Variants in IRAK2 observed in about 807,000 individuals in gnomAD.
IRAK2 encodes interleukin 1 receptor associated kinase 2, also known as interleukin-1 receptor-associated kinase-like 2.
IRAK2 carries 57 observed loss-of-function variants against 72.0 expected under a neutral mutation model. That is an observed-to-expected ratio of 0.79 (90% CI 0.64 to 0.99). IRAK2 has a LOEUF of 0.99. Among genes scored for constraint, IRAK2 ranks in the 50% least tolerant of loss-of-function variants. The pLI is 0.00. For synonymous variants in IRAK2, 293 were observed against 312.7 expected (o/e 0.94, Z 0.67); for missense variants, 790 against 794.4 (o/e 0.99, Z 0.07).
chr3:10,170,725 C>T (rs552943158), intron 1 of IRAK2, among the ~76,000 whole-genome samples: 1 of 152,326 alleles, frequency 6.6e-6, no homozygotes, highest in South Asian at 2.1e-4. Flanking sequence ...GATGAGCTGC[C>T]AGGCCTTGGT....
At chr3:10,211,894 G>A (rs1432535511) in intron 4 of IRAK2, among the ~76,000 whole-genome samples, 3 of 151,890 alleles carry the variant, frequency 2.0e-5, no homozygotes, top group East Asian at 3.9e-4. Flanking sequence ...TGGCTAACAC[G>A]GTGAGGCCTC....
In IRAK2 at chr3:10,222,848, C is replaced by G. The variant is rs369117584; in HGVS notation, c.1209+17C>G. 22 of 1,610,630 alleles carry G rather than the reference C, an allele frequency of 1.4e-5. 1 individual carries two copies. In the African/African-American group the frequency reaches 1.9e-4, roughly 14 times the overall value. ...TGTGGAATAGTAAGAGTGTCCTGCTCTGCGTAGAGTGGGGCCCACCTTGAT... is the reference window on the plus strand; with the variant it reads ...TGTGGAATAGTAAGAGTGTCCTGCTGTGCGTAGAGTGGGGCCCACCTTGAT... On this transcript the variant is annotated intron_variant, in intron 9 of 12. Coordinates refer to ENST00000256458, the MANE Select transcript of IRAK2 (RefSeq NM_001570.4).
Position 10,234,597 on chromosome 3 carries a change from G to A in IRAK2, c.1411G>A (p.Ala471Thr). ...KGAGRLPEDC[A>T]EALATAACLC... ...CGCAGGGAGGCTTCCGGAGGACTGC[G>A]CCGAGGCCCTGGCCACGGCTGCCTG... The change falls in exon 11 of 13, where the codon GCC becomes ACC. Residue 471 changes from alanine to threonine, a missense_variant. Ala to Thr is a moderately conservative substitution (Grantham distance 58). Transcript: ENST00000256458. 2 of 1,613,402 alleles carry A rather than the reference G, an allele frequency of 1.2e-6. No homozygotes were observed. Among genetic ancestry groups the A allele is most frequent in the Non-Finnish European group, 1.7e-6 (2 of 1,179,922 alleles).
At chr3:10,234,808 G>A in intron 11 of IRAK2, 149 bp downstream of exon 11, 1 of 727,972 alleles carries the variant, frequency 1.4e-6, no homozygotes, top group Non-Finnish European at 2.3e-6. Flanking sequence ...TCAGCCAAAG[G>A]GCGGTGTAGG....
chr3:10,230,467 C>T (rs1697841889), intron 10 of IRAK2, among the ~76,000 whole-genome samples: 1 of 152,050 alleles, frequency 6.6e-6, no homozygotes, highest in Admixed American at 6.6e-5. Context: ...GGATTATAGG[C>T]ATGAGCCACT....
At chr3:10,221,323 T>G (rs1575983182) in intron 8 of IRAK2, among the ~76,000 whole-genome samples, 1 of 146,804 alleles carries the variant, frequency 6.8e-6, no homozygotes, top group South Asian at 2.2e-4. Context: ...GCACAATCTC[T>G]GTTCACTGCA....
At chr3:10,196,299 G>C (rs1575967230) in intron 2 of IRAK2, among the ~76,000 whole-genome samples, 2 of 152,210 alleles carry the variant, frequency 1.3e-5, no homozygotes, top group East Asian at 3.9e-4. Flanking sequence ...ATTTTTAGTA[G>C]AGACGGGGTT....
intron 2 of IRAK2, among the ~76,000 whole-genome samples, chr3:10,188,174 G>T (rs779613083): frequency 3.9e-5 from 6 of 152,164 alleles, no homozygotes; most frequent in Non-Finnish European, 8.8e-5. Flanking sequence ...GGCTGGGTTA[G>T]GTGCTGAGCC....
Position 10,243,326 on chromosome 3 carries a change from C to G in IRAK2, c.*1098C>G, listed in dbSNP as rs1397353985. On this transcript the variant is annotated 3_prime_UTR_variant, in exon 13 of 13. Transcript: ENST00000256458. ...GGGATTACAGGCTTGAGCCACCGCA[C>G]CCGGCCGAGAATATGTGTTGTTATT... 1 of 152,662 alleles carries G rather than the reference C, an allele frequency of 6.6e-6. No individual in the cohort carries two copies. The highest frequency in any genetic ancestry group is 1.5e-5 in the Non-Finnish European group (1 of 68,046). 9.5% of individuals were successfully genotyped at this position (152,662 alleles called of 1,614,324 possible). A position where few individuals can be genotyped will look rare whatever the true frequency, so the allele number is the denominator to read the frequency against.
chr3:10,169,794 AAT>A (rs1696767094), intron 1 of IRAK2, among the ~76,000 whole-genome samples: 1 of 152,222 alleles, frequency 6.6e-6, no homozygotes, highest in Non-Finnish European at 1.5e-5. Flanking sequence ...AGCTTATGAA[AAT>A]GATGGGATTA....
intron 2 of IRAK2, among the ~76,000 whole-genome samples, chr3:10,192,774 C>T (rs1697197738): frequency 1.3e-5 from 2 of 152,030 alleles, no homozygotes; most frequent in Non-Finnish European, 2.9e-5. Context: ...CAAAAATTAG[C>T]CGGGCGTGAT....
At chr3:10,171,721 C>T (rs1348884400) in intron 1 of IRAK2, among the ~76,000 whole-genome samples, 1 of 150,868 alleles carries the variant, frequency 6.6e-6, no homozygotes, top group Non-Finnish European at 1.5e-5. Context: ...CCGCCCGCCT[C>T]AGCCTCCCAA....
At chr3:10,212,135 G>A (rs1375927260) in intron 4 of IRAK2, among the ~76,000 whole-genome samples, 26 of 151,808 alleles carry the variant, frequency 1.7e-4, no homozygotes, top group Admixed American at 1.6e-3. Flanking sequence ...TATTAAAAAC[G>A]GAAACAGAAC....
At chr3:10,175,113 A>G (rs1696853156) in intron 1 of IRAK2, among the ~76,000 whole-genome samples, 1 of 151,660 alleles carries the variant, frequency 6.6e-6, no homozygotes, top group Non-Finnish European at 1.5e-5. Flanking sequence ...AAAGATTTTT[A>G]AATTTTTATT....
chr3:10,192,136 G>A (rs950909416), intron 2 of IRAK2, among the ~76,000 whole-genome samples: 3 of 152,040 alleles, frequency 2.0e-5, no homozygotes, highest in East Asian at 1.9e-4. Flanking sequence ...AAGAGAGGGC[G>A]CGGAAAGCTG....
At chr3:10,189,393 A>C (rs1327685646) in intron 2 of IRAK2, among the ~76,000 whole-genome samples, 1 of 152,202 alleles carries the variant, frequency 6.6e-6, no homozygotes, top group Non-Finnish European at 1.5e-5. Flanking sequence ...CTTTCACCGG[A>C]GAGTGAAGGG....
chr3:10,211,453 A>T, intron 4 of IRAK2, among the ~76,000 whole-genome samples: 1 of 1,456 alleles, frequency 6.9e-4, no homozygotes, highest in Non-Finnish European at 2.2e-3. Flanking sequence ...CTCGCCAAAA[A>T]AAAAAGTTTA....
chr3:10,177,287 G>C (rs1696891422), intron 1 of IRAK2, among the ~76,000 whole-genome samples: 1 of 152,172 alleles, frequency 6.6e-6, no homozygotes, highest in African/African-American at 2.4e-5. Flanking sequence ...TGAGAGGAAT[G>C]AGATGCCCAG....
chr3:10,179,532 C>T (rs1332694212), intron 2 of IRAK2, among the ~76,000 whole-genome samples: 2 of 151,776 alleles, frequency 1.3e-5, no homozygotes, highest in Non-Finnish European at 2.9e-5. Flanking sequence ...CTCCTGGGTT[C>T]AAGTGATTCT....
Sources: gnomAD v4.1 joint callset for allele counts (sites outside exome capture counted in the v4.1 genomes callset) on GRCh38, gnomAD v4.1.1 for gene constraint, MANE v1.5 for transcripts, NCBI Gene and HGNC (gene_info 2026-07-23, HGNC 2026-07-21) for gene names.